PRELID2: variants seen among roughly 807,000 people sequenced by gnomAD.
The protein encoded by PRELID2 is PRELI domain containing 2.
Under a neutral mutation model 28.4 loss-of-function variants are expected in PRELID2, and 25 were observed. The ratio of observed to expected loss-of-function variants is 0.88; its 90% confidence interval spans 0.64 to 1.23. The LOEUF is 1.23. Among genes scored for constraint, PRELID2 ranks in the 50% most tolerant of loss-of-function variants. The pLI is 0.00. For missense variants in PRELID2, 201 were observed against 214.4 expected (o/e 0.94, Z 0.39); for synonymous variants, 76 against 71.6 (o/e 1.06, Z -0.31).
chr5:145,785,207 T>C (rs1751911145), intron 5 of PRELID2, among the ~76,000 whole-genome samples: 1 of 152,168 alleles, frequency 6.6e-6, no homozygotes, highest in Non-Finnish European at 1.5e-5. Context: ...ATCACTTCAT[T>C]CTAGAGAGAG....
chr5:145,309,992 A>G, the PRELID2 span, among the ~76,000 whole-genome samples: 1 of 152,212 alleles, frequency 6.6e-6, no homozygotes, highest in South Asian at 2.1e-4. Context: ...CACAGGAAGG[A>G]CAAACATTTG....
At chr5:145,233,039 CT>C in the PRELID2 span, among the ~76,000 whole-genome samples, 1 of 151,650 alleles carries the variant, frequency 6.6e-6, no homozygotes, top group African/African-American at 2.4e-5. Flanking sequence ...ACTACTACCC[CT>C]GCTATTTGAA....
At chr5:145,661,504 G>A (rs1227185205) in intron 1 of PRELID2, among the ~76,000 whole-genome samples, 2 of 151,962 alleles carry the variant, frequency 1.3e-5, no homozygotes, top group Non-Finnish European at 2.9e-5. Context: ...GATGCTGGCT[G>A]AGATCCACTG....
the PRELID2 span, among the ~76,000 whole-genome samples, chr5:145,389,279 T>C: frequency 1.1e-4 from 16 of 152,170 alleles, no homozygotes; most frequent in East Asian, 2.9e-3. Flanking sequence ...AGATAGTAGA[T>C]GGAAGAGAAA....
At chr5:145,317,541 A>G in the PRELID2 span, among the ~76,000 whole-genome samples, 2 of 152,180 alleles carry the variant, frequency 1.3e-5, no homozygotes, top group African/African-American at 2.4e-5. Context: ...ATCTTTGTTT[A>G]CCAGTCTGCC....
chr5:145,650,438 C>T (rs1046602350), intron 1 of PRELID2, among the ~76,000 whole-genome samples: 3 of 149,122 alleles, frequency 2.0e-5, no homozygotes, highest in Non-Finnish European at 4.4e-5. Flanking sequence ...TTGTTCTCAT[C>T]CAGAGTTTTG....
At chr5:145,396,886 G>GA in the PRELID2 span, among the ~76,000 whole-genome samples, 220 of 151,540 alleles carry the variant, frequency 1.5e-3, 1 homozygote, top group African/African-American at 5.2e-3. Context: ...CAGGGAATTT[G>GA]AAAAAAACCA....
At chr5:145,317,342 G>A in the PRELID2 span, among the ~76,000 whole-genome samples, 12 of 152,202 alleles carry the variant, frequency 7.9e-5, no homozygotes, top group Non-Finnish European at 1.5e-4. Context: ...ATTTTAAAAT[G>A]GCTTTGCAAA....
At chr5:145,784,654 A>C (rs1751867567) in intron 5 of PRELID2, among the ~76,000 whole-genome samples, 1 of 152,206 alleles carries the variant, frequency 6.6e-6, no homozygotes, top group African/African-American at 2.4e-5. Flanking sequence ...ACCAACAATA[A>C]CAGCTATTAT....
chr5:145,817,851 T>G lies in PRELID2; in HGVS notation c.368+43A>C, dbSNP rs749520227. On this transcript the variant is annotated intron_variant, in intron 4 of 6. Coordinates refer to ENST00000683046, the MANE Select transcript of PRELID2 (RefSeq NM_205846.3). ...TTTAATGTATGTACTCATGTGTCCA[T>G]CCCTGCAACCAAAACACACACACAT... 3 of 1,472,046 alleles carry G rather than the reference T, an allele frequency of 2.0e-6. No homozygotes were observed. The South Asian group carries it at 4.4e-5, about 22-fold the overall frequency. The allele number at this position is 1,472,046 out of a possible 1,614,324, so 91.2% of individuals were successfully genotyped here.
intron 1 of PRELID2, among the ~76,000 whole-genome samples, chr5:145,542,541 A>G (rs1752752033): frequency 6.6e-6 from 1 of 152,100 alleles, no homozygotes. Context: ...CTTTAATCTC[A>G]AAGTAATTTG....
intron 6 of PRELID2, among the ~76,000 whole-genome samples, chr5:145,763,754 A>C (rs1404318390): frequency 6.6e-6 from 1 of 152,222 alleles, no homozygotes; most frequent in East Asian, 1.9e-4. Context: ...AGTTTGTTTT[A>C]TTCAAAGGTT....
At chr5:145,705,324 G>C (rs544889825) in intron 1 of PRELID2, among the ~76,000 whole-genome samples, 8 of 151,936 alleles carry the variant, frequency 5.3e-5, no homozygotes, top group Non-Finnish European at 7.4e-5. Flanking sequence ...CCAAATAGCT[G>C]GGATTACAGG....
chr5:145,531,470 T>C (rs1278354490), intron 1 of PRELID2, among the ~76,000 whole-genome samples: 1 of 152,194 alleles, frequency 6.6e-6, no homozygotes, highest in Non-Finnish European at 1.5e-5. Context: ...ACCTTGATAA[T>C]TGAAGAAAAG....
chr5:145,608,624 G>T (rs377621685), intron 1 of PRELID2, among the ~76,000 whole-genome samples: 16 of 152,274 alleles, frequency 1.1e-4, no homozygotes, highest in African/African-American at 3.8e-4. Context: ...AGCCTGATGA[G>T]ATTCCCTTTG....
chr5:145,233,723 A>G, the PRELID2 span, among the ~76,000 whole-genome samples: 5 of 152,162 alleles, frequency 3.3e-5, no homozygotes. Flanking sequence ...CATCGTTTCT[A>G]TTGCAACAAA....
At chr5:145,810,279 G>A (rs971799033) in intron 4 of PRELID2, among the ~76,000 whole-genome samples, 2 of 152,112 alleles carry the variant, frequency 1.3e-5, no homozygotes, top group East Asian at 3.9e-4. Flanking sequence ...AGGCAAAATA[G>A]AGCATGAGCA....
At chr5:145,570,462 CT>C (rs1753006599) in intron 1 of PRELID2, among the ~76,000 whole-genome samples, 1 of 152,102 alleles carries the variant, frequency 6.6e-6, no homozygotes, top group South Asian at 2.1e-4. Context: ...CACAGTAAAA[CT>C]ACATTTTACA....
chr5:145,529,110 G>T (rs1752634537), intron 1 of PRELID2, among the ~76,000 whole-genome samples: 1 of 152,120 alleles, frequency 6.6e-6, no homozygotes, highest in Non-Finnish European at 1.5e-5. Flanking sequence ...AAATTAATTT[G>T]GCATATAATG....
Sources: gnomAD v4.1 joint callset for allele counts (sites outside exome capture counted in the v4.1 genomes callset) on GRCh38, gnomAD v4.1.1 for gene constraint, MANE v1.5 for transcripts, NCBI Gene and HGNC (gene_info 2026-07-23, HGNC 2026-07-21) for gene names.